RECQL5: variants seen among roughly 807,000 people sequenced by gnomAD.
RECQL5 encodes the protein ATP-dependent DNA helicase Q5.
A neutral mutation model predicts 103.4 loss-of-function variants in RECQL5; 88 were observed. The observed-to-expected ratio is 0.85, with a 90% CI of 0.72 to 1.02. The LOEUF (loss-of-function observed/expected upper bound fraction) is 1.02, where lower values mean the gene tolerates loss of function less well. Among genes scored for constraint, RECQL5 ranks in the 50% least tolerant of loss-of-function variants. The pLI is 0.00. For synonymous variants in RECQL5, 552 were observed against 507.9 expected (o/e 1.09, Z -1.17); for missense variants, 1,232 against 1,284.3 (o/e 0.96, Z 0.62).
At chr17:75,655,414 A>G (rs2059606007) in intron 7 of RECQL5, among the ~76,000 whole-genome samples, 2 of 143,684 alleles carry the variant, frequency 1.4e-5, no homozygotes, top group Admixed American at 1.4e-4. Flanking sequence ...CCCAGGCTGG[A>G]GTGCAGTGGT....
rs1568258897 is a variant in RECQL5, at chr17:75,630,851, G to GC, written c.1586-15_1586-14insG. ...GACAGTTCTCATCTGTGGGGGGGGG[G>GC]GGTGGTCCTTGGTCCTTTCGCTCCA... On this transcript the variant is annotated splice_polypyrimidine_tract_variant and intron_variant, in intron 11 of 19. Transcript: ENST00000317905. 3 of 1,448,120 alleles carry GC rather than the reference G, an allele frequency of 2.1e-6. No homozygotes were observed. Among genetic ancestry groups the GC allele is most frequent in the South Asian group, 2.6e-5 (2 of 75,860 alleles). The allele number at this position is 1,448,120 out of a possible 1,614,324, so 89.7% of individuals were successfully genotyped here.
At chr17:75,650,020 C>G (rs1415818829) in intron 8 of RECQL5, 1 of 985,558 alleles carries the variant, frequency 1.0e-6, no homozygotes, top group African/African-American at 1.7e-5. Flanking sequence ...CATTCCAGAG[C>G]CTCAGACAGC....
Position 75,627,117 on chromosome 17 carries a change from C to G in RECQL5, c.*305G>C, listed in dbSNP as rs1206047407. 1.9e-6 allele frequency: 1 copy of G among 521,492 alleles called. No homozygotes were observed. Among genetic ancestry groups the G allele is most frequent in the African/African-American group, 1.9e-5 (1 of 52,474 alleles). 32.3% of individuals were successfully genotyped at this position (521,492 alleles called of 1,614,324 possible). ...ACTTAGAACTCGGGGAGGGGCCACTCTTCCTTCCCCTTCTTCCAGCAGCAG... is the reference window on the plus strand; with the variant it reads ...ACTTAGAACTCGGGGAGGGGCCACTGTTCCTTCCCCTTCTTCCAGCAGCAG... On this transcript the variant is annotated 3_prime_UTR_variant, in exon 20 of 20. Transcript: ENST00000317905.
Position 75,627,371 on chromosome 17 carries a change from C to T in RECQL5, c.*51G>A. 7.3e-7 allele frequency: 1 copy of T among 1,366,924 alleles called. No homozygotes were observed. The highest frequency in any genetic ancestry group is 1.0e-6 in the Non-Finnish European group (1 of 957,632). The allele number at this position is 1,366,924 out of a possible 1,614,324, so 84.7% of individuals were successfully genotyped here. A position where few individuals can be genotyped will look rare whatever the true frequency, so the allele number is the denominator to read the frequency against. On this transcript the variant is annotated 3_prime_UTR_variant, in exon 20 of 20. Transcript: ENST00000317905. Reference sequence around the variant, plus strand: ...CATCAGCAGGTGAGGCCCAGGATGACCCATGCTAGAATCTGGGGGAGGACG... The same window carrying T: ...CATCAGCAGGTGAGGCCCAGGATGATCCATGCTAGAATCTGGGGGAGGACG...
At chr17:75,641,969 T>C (rs1459880578) in intron 8 of RECQL5, among the ~76,000 whole-genome samples, 1 of 152,148 alleles carries the variant, frequency 6.6e-6, no homozygotes, top group Non-Finnish European at 1.5e-5. Flanking sequence ...TAAACTAAGA[T>C]GACCTATGTC....
At position 75,628,219 on chromosome 17, in the gene RECQL5, T is replaced by G; in HGVS notation, c.2804A>C (p.Lys935Thr). 1 of 1,611,218 alleles carries G rather than the reference T, an allele frequency of 6.2e-7. No homozygotes were observed. The highest frequency in any genetic ancestry group is 8.5e-7 in the Non-Finnish European group (1 of 1,178,106). The change falls in exon 18 of 20, where the codon AAG becomes ACG. Residue 935 changes from lysine (K) to threonine (T), a missense_variant and splice_region_variant. By Grantham distance (78) the Lys-to-Thr change is moderately conservative. Coordinates refer to ENST00000317905, the MANE Select transcript of RECQL5 (RefSeq NM_004259.7). ...GCAGAGCCCACTCACTCCCCCTACC[T>G]TGGAAGCAAACTTGCCCTCCTTGTA... is the stretch of plus-strand genomic sequence containing the variant. Reference protein sequence around the residue: ...PFYKEGKFASKELFKGFARHL... With the variant: ...PFYKEGKFASTELFKGFARHL...
At position 75,636,059 on chromosome 17, in the gene RECQL5, C is replaced by T. The variant is rs1435361500; in HGVS notation, c.1230-4391G>A. ...TCCCCTGTGCTGACCGCTACTGCAG[C>T]CAGGGCACACCCTCTGAAGGCTCCA... On this transcript the variant is annotated intron_variant, in intron 8 of 19. Transcript: ENST00000317905. The surrounding 1 kb of genome is among the most constrained non-coding windows in gnomAD (Gnocchi z 5.4). 6.6e-6 allele frequency among the ~76,000 whole-genome samples: 1 copy of T among 152,240 alleles called. No homozygotes were observed. The highest frequency in any genetic ancestry group is 2.4e-5 in the African/African-American group (1 of 41,456).
In RECQL5 at chr17:75,640,301, G is replaced by A. The variant is rs746869908; in HGVS notation, c.1230-8633C>T. 1.7e-5 allele frequency: 27 copies of A among 1,550,776 alleles called. No individual in the cohort carries two copies. Among genetic ancestry groups the A allele is most frequent in the Non-Finnish European group, 2.3e-5 (26 of 1,146,632 alleles). Reference sequence around the variant, plus strand: ...CCAGGCTGAGCCCGTGGAGATCGTGGCCTTCTCAGTCATCATCCTTTTCAC... The same window carrying A: ...CCAGGCTGAGCCCGTGGAGATCGTGACCTTCTCAGTCATCATCCTTTTCAC... On this transcript the variant is annotated intron_variant, in intron 8 of 19. Transcript: ENST00000317905. This position sits in a 1 kb window ranked among gnomAD's most constrained non-coding sequence, Gnocchi z 4.6.
chr17:75,656,939 T>A (rs937919298), intron 7 of RECQL5, among the ~76,000 whole-genome samples: 2 of 151,950 alleles, frequency 1.3e-5, no homozygotes, highest in African/African-American at 4.8e-5. Flanking sequence ...AGAGACGGGG[T>A]TTCACCGTGT....
At chr17:75,644,982 C>A (rs1490137989) in intron 8 of RECQL5, among the ~76,000 whole-genome samples, 2 of 152,214 alleles carry the variant, frequency 1.3e-5, no homozygotes, top group Admixed American at 1.3e-4. Flanking sequence ...TTTCCTTGGC[C>A]GGCCTTCCTG....
rs1392340020 is a variant in RECQL5 at position 75,628,764 on chromosome 17, T to C, written c.2490-2A>G. The C allele has an allele frequency of 6.3e-7, 1 of 1,599,220 alleles. No homozygotes were observed. The highest frequency in any genetic ancestry group is 2.2e-5 in the East Asian group (1 of 44,846). ...CCCTGGTCTCTGGGCGGGCAGGTGCTGGTAGAGGGAAGAGCAGGCATCACA... is the reference window on the plus strand; with the variant it reads ...CCCTGGTCTCTGGGCGGGCAGGTGCCGGTAGAGGGAAGAGCAGGCATCACA... On this transcript the variant is annotated splice_acceptor_variant, in intron 16 of 19. Coordinates refer to ENST00000317905, the MANE Select transcript of RECQL5 (RefSeq NM_004259.7). LOFTEE classifies it high-confidence loss of function.
Position 75,631,221 on chromosome 17 carries a change from C to T in RECQL5, c.1477G>A (p.Asp493Asn). The change falls in exon 10 of 20, where the codon GAT (aspartate) becomes AAT (asparagine). Residue 493 changes from aspartate to asparagine, a missense_variant. Asp to Asn is a conservative substitution (Grantham distance 23). Coordinates refer to ENST00000317905, the MANE Select transcript of RECQL5 (RefSeq NM_004259.7). The part of the protein sequence containing the change: ...RYDEGSGGSG[D>N]EGRDEAHKRE... ...TTGTGGGCCTCATCTCTGCCTTCAT[C>T]CCCGCTGCCTCCAGAACCTTCGTCA... 6.2e-7 allele frequency: 1 copy of T among 1,613,928 alleles called. No homozygotes were observed. The highest frequency in any genetic ancestry group is 8.5e-7 in the Non-Finnish European group (1 of 1,180,022).
intron 8 of RECQL5, chr17:75,650,361 G>T: frequency 8.7e-7 from 1 of 1,153,342 alleles, no homozygotes; most frequent in Non-Finnish European, 1.1e-6. Flanking sequence ...AGCCCAAAGA[G>T]TTTCTCTGAT....
chr17:75,665,205 C>G (rs146268842), intron 2 of RECQL5, 33 bp from the exon 3 acceptor site: 1 of 1,583,518 alleles, frequency 6.3e-7, no homozygotes, highest in East Asian at 2.3e-5. Flanking sequence ...TATCTCAGTG[C>G]TTCCTGCCTT....
chr17:75,629,670 C>T lies in RECQL5; in HGVS notation c.1947+38G>A, dbSNP rs561659478. ...GGGCAGAGGGGAAGTGAAGCCTTTC[C>T]TGGTCACAGGTCTGGAGGCCACTGG... On this transcript the variant is annotated intron_variant, in intron 15 of 19. Transcript: ENST00000317905. 3.3e-5 allele frequency: 52 copies of T among 1,571,228 alleles called. 2 individuals carry two copies. The South Asian group carries it at 5.5e-4, about 17-fold the overall frequency.
rs1297346366 is a variant in RECQL5 at position 75,658,340 on chromosome 17, G to C, written c.1107C>G (p.Asp369Glu). 6.2e-7 allele frequency: 1 copy of C among 1,613,960 alleles called. No homozygotes were observed. The highest frequency in any genetic ancestry group is 1.1e-5 in the South Asian group (1 of 91,070). ...CRLYYSRNDRDQVSFLIRKEV... is the reference protein window; with the variant it reads ...CRLYYSRNDREQVSFLIRKEV... ...CCTTCCTGATCAGGAAGCTGACTTG[G>C]TCCCGGTCATTCCTGGAGTAATAGA... Residue 369 changes from aspartate to glutamate, a missense_variant, in exon 7 of 20, where the codon GAC (aspartate) becomes GAG (glutamate). Coordinates refer to ENST00000317905, the MANE Select transcript of RECQL5 (RefSeq NM_004259.7).
At chr17:75,657,272 C>A (rs548838458) in intron 7 of RECQL5, among the ~76,000 whole-genome samples, 1 of 152,108 alleles carries the variant, frequency 6.6e-6, no homozygotes, top group Non-Finnish European at 1.5e-5. Flanking sequence ...CTGGTCCCAG[C>A]GACTTGAGAG....
intron 8 of RECQL5, chr17:75,647,939 C>T (rs1478012215): frequency 5.1e-6 from 1 of 197,178 alleles, no homozygotes; most frequent in African/African-American, 2.3e-5. Context: ...GAGAAAGACA[C>T]AACCAAATGA....
At chr17:75,635,966 A>C in intron 8 of RECQL5, 1 of 519,572 alleles carries the variant, frequency 1.9e-6, no homozygotes, top group South Asian at 8.4e-5. Context: ...TCCGTGTGCC[A>C]GGAGATGCCA....
Sources: allele counts gnomAD v4.1 joint callset (sites outside exome capture counted in the v4.1 genomes callset), GRCh38; gene constraint gnomAD v4.1.1; non-coding constraint Gnocchi (gnomAD v3.1); transcripts MANE v1.5; gene names NCBI Gene and HGNC (gene_info 2026-07-23, HGNC 2026-07-21).